DENND3: variants seen among roughly 807,000 people sequenced by gnomAD.
DENND3 encodes DENN domain containing 3, also known as DENN domain-containing protein 3.
In DENND3, 88 loss-of-function variants were observed where a neutral mutation model predicts 135.1. The ratio of observed to expected loss-of-function variants is 0.65; its 90% CI spans 0.55 to 0.78. The LOEUF (loss-of-function observed/expected upper bound fraction) is 0.78. DENND3 is among the 30% of genes least tolerant of loss of function. DENND3 has a pLI of 0.00. For missense variants in DENND3, 1,392 were observed against 1,688.4 expected (o/e 0.82, Z 3.08); for synonymous variants, 693 against 712.3 (o/e 0.97, Z 0.43).
rs1823258250 is a variant in DENND3 at position 141,182,375 on chromosome 8, C to T, written c.2944+1521C>T. Reference sequence around the variant, plus strand: ...TGGCTGAGTGAGCAGGCAGCGTCATCAGGGCCGCCCCGCGTGAGCCCTACC... The same window carrying T: ...TGGCTGAGTGAGCAGGCAGCGTCATTAGGGCCGCCCCGCGTGAGCCCTACC... On this transcript the variant is annotated intron_variant, in intron 17 of 22. Transcript: ENST00000519811. The surrounding 1 kb of genome is among the most constrained non-coding windows in gnomAD (Gnocchi z 5.9). 1.0e-6 allele frequency: 1 copy of T among 985,344 alleles called. No individual in the cohort carries two copies. Among genetic ancestry groups the T allele is most frequent in the African/African-American group, 1.7e-5 (1 of 57,258 alleles). The allele number at this position is 985,344 out of a possible 1,614,324, so 61.0% of individuals were successfully genotyped here.
rs1821047616 is a variant in DENND3 at position 141,168,155 on chromosome 8, C to T, written c.1905C>T (p.Leu635=). Reference sequence around the variant, plus strand: ...TTCTGGCCCCCGATAACTCTCTGCTCCTGGCCCGCTATTTGTACCTCCGAG... The same window carrying T: ...TTCTGGCCCCCGATAACTCTCTGCTTCTGGCCCGCTATTTGTACCTCCGAG... ...MCFLAPDNSL[L]LARYLYLRGL... is the part of the protein sequence containing the mutation. Residue 635 remains leucine (L), a synonymous_variant, in exon 13 of 23, where the codon CTC becomes CTT. Coordinates refer to ENST00000519811, the MANE Select transcript of DENND3 (RefSeq NM_001352890.3). The surrounding 1 kb of genome is among the most constrained non-coding windows in gnomAD (Gnocchi z 6.2). 1 of 1,614,224 alleles carries T rather than the reference C, an allele frequency of 6.2e-7. No homozygotes were observed. Among genetic ancestry groups the T allele is most frequent in the East Asian group, 2.2e-5 (1 of 44,880 alleles).
intron 13 of DENND3, among the ~76,000 whole-genome samples, chr8:141,171,094 T>C (rs1036153821): frequency 2.0e-5 from 3 of 152,224 alleles, no homozygotes; most frequent in East Asian, 3.8e-4. Flanking sequence ...TTGGCCTTGC[T>C]TACGTTGCCG....
intron 5 of DENND3, among the ~76,000 whole-genome samples, chr8:141,147,350 G>A (rs751531490): frequency 2.6e-5 from 4 of 152,152 alleles, no homozygotes; most frequent in Non-Finnish European, 4.4e-5. Flanking sequence ...TCTTCCCCAA[G>A]CCCCACAACA....
rs375969895 is a variant in DENND3, at chr8:141,179,444, C to T, written c.2836+1248C>T. Among the ~76,000 whole-genome samples, 50 of 152,348 alleles carry T rather than the reference C, an allele frequency of 3.3e-4. No homozygotes were observed. The Middle Eastern group carries it at 0.01, about 31-fold the overall frequency. ...CAGCGCATGACGGCAGACGAGGAGC[C>T]GCCATGCTGGTGTCACTTGGTGTGG... is the stretch of plus-strand genomic sequence containing the variant. On this transcript the variant is annotated intron_variant, in intron 16 of 22. Transcript: ENST00000519811.
At chr8:141,156,676 C>T (rs1819477332) in intron 8 of DENND3, among the ~76,000 whole-genome samples, 1 of 152,124 alleles carries the variant, frequency 6.6e-6, no homozygotes, top group Non-Finnish European at 1.5e-5. Flanking sequence ...GGCCCCTGCC[C>T]CTTGAGTTTG....
At chr8:141,187,053 T>C (rs1007637397) in intron 18 of DENND3, among the ~76,000 whole-genome samples, 4 of 152,170 alleles carry the variant, frequency 2.6e-5, no homozygotes, top group African/African-American at 9.7e-5. Context: ...AAATTGCATT[T>C]TATAGTTTTC....
chr8:141,159,505 G>A (rs996387780), intron 8 of DENND3, among the ~76,000 whole-genome samples: 2 of 152,140 alleles, frequency 1.3e-5, no homozygotes, highest in African/African-American at 2.4e-5. Flanking sequence ...CTAGCCCATC[G>A]CTGTGATGTG....
At position 141,154,815 on chromosome 8, in the gene DENND3, G is replaced by A. The variant is rs144694455; in HGVS notation, c.1075-1034G>A. ...TGATCTCAGGTGATCCACCCACCTC[G>A]GCCTCCCAAAGTGTTGGGATTACAG... On this transcript the variant is annotated intron_variant, in intron 7 of 22. Coordinates refer to ENST00000519811, the MANE Select transcript of DENND3 (RefSeq NM_001352890.3). The surrounding 1 kb of genome is among the most constrained non-coding windows in gnomAD (Gnocchi z 4.4). Among the ~76,000 whole-genome samples the A allele has an allele frequency of 3.8e-3, 582 of 152,184 alleles. 2 individuals are homozygous for A. Among genetic ancestry groups the A allele is most frequent in the African/African-American group, 0.012 (497 of 41,524 alleles).
Position 141,141,413 on chromosome 8 carries a change from G to A in DENND3, c.623+89G>A. ...CCAAGGGACCAGGGGGCTGGAGGTG[G>A]TGGGGGGGCAGCTCTCTGTTCCTCT... On this transcript the variant is annotated intron_variant, in intron 4 of 22. Transcript: ENST00000519811. This position sits in a 1 kb window ranked among gnomAD's most constrained non-coding sequence, Gnocchi z 5.3. 3 of 1,484,116 alleles carry A rather than the reference G, an allele frequency of 2.0e-6. No individual in the cohort carries two copies. The highest frequency in any genetic ancestry group is 2.8e-6 in the Non-Finnish European group (3 of 1,090,378). The allele number at this position is 1,484,116 out of a possible 1,614,324, so 91.9% of individuals were successfully genotyped here.
chr8:141,165,331 TCA>T (rs1015018438), intron 11 of DENND3, 42 bp downstream of exon 11: 3 of 1,513,886 alleles, frequency 2.0e-6, no homozygotes, highest in African/African-American at 1.4e-5. Flanking sequence ...TCTTTAGGAA[TCA>T]CAGTGTTCAA....
At position 141,150,821 on chromosome 8, in the gene DENND3, C is replaced by G. The variant is rs1297921760; in HGVS notation, c.736-13C>G. 1 of 1,584,428 alleles carries G rather than the reference C, an allele frequency of 6.3e-7. No individual in the cohort carries two copies. Among genetic ancestry groups the G allele is most frequent in the Non-Finnish European group, 8.6e-7 (1 of 1,168,224 alleles). On this transcript the variant is annotated splice_polypyrimidine_tract_variant and intron_variant, in intron 5 of 22. Transcript: ENST00000519811. Reference sequence around the variant, plus strand: ...CAGCTCTCTGAACTAATGACGGGAACTGGTTGTCGTAGGTATTTAACATGA... The same window carrying G: ...CAGCTCTCTGAACTAATGACGGGAAGTGGTTGTCGTAGGTATTTAACATGA...
chr8:141,186,060 T>C (rs1386951410), intron 18 of DENND3, among the ~76,000 whole-genome samples: 1 of 151,702 alleles, frequency 6.6e-6, no homozygotes, highest in Non-Finnish European at 1.5e-5. Flanking sequence ...CACCTCGGTC[T>C]CCTGAGTAAC....
chr8:141,168,586 C>G lies in DENND3; in HGVS notation c.2275+61C>G, dbSNP rs1003127110. The G allele has an allele frequency of 6.5e-7, 1 of 1,529,942 alleles. No homozygotes were observed. The highest frequency in any genetic ancestry group is 8.8e-7 in the Non-Finnish European group (1 of 1,135,432). The allele number at this position is 1,529,942 out of a possible 1,614,324, so 94.8% of individuals were successfully genotyped here. A position where few individuals can be genotyped will look rare whatever the true frequency, so the allele number is the denominator to read the frequency against. On this transcript the variant is annotated intron_variant, in intron 13 of 22. Coordinates refer to ENST00000519811, the MANE Select transcript of DENND3 (RefSeq NM_001352890.3). The surrounding 1 kb of genome is among the most constrained non-coding windows in gnomAD (Gnocchi z 6.2). ...ATTTAGAGACAGGGTCTGGCTCTGT[C>G]GCCCAGGCTGGAGTGGACTGGCAAT...
chr8:141,185,290 A>C lies in DENND3; in HGVS notation c.3084+12A>C, dbSNP rs749891978. The C allele has an allele frequency of 6.2e-7, 1 of 1,613,900 alleles. No individual in the cohort carries two copies. The highest frequency in any genetic ancestry group is 1.7e-5 in the Admixed American group (1 of 59,976). On this transcript the variant is annotated intron_variant, in intron 18 of 22. Coordinates refer to ENST00000519811, the MANE Select transcript of DENND3 (RefSeq NM_001352890.3). ...GCACTGCAAAAGTGGTGAGTACACG[A>C]AGCGTCAGGAAAGAAGCCTCTGAAT...
At position 141,141,269 on chromosome 8, in the gene DENND3, G is replaced by A. The variant is rs776708643; in HGVS notation, c.568G>A (p.Val190Met). ...TCCTGGCTGCTTCGTGCCCTTCGCG[G>A]TGTGCGTGGTCTCCAGGTTTCCCTA... Reference protein sequence around the residue: ...ECPGCFVPFAVCVVSRFPYYN... With the variant: ...ECPGCFVPFAMCVVSRFPYYN... The change falls in exon 4 of 23, where the codon GTG becomes ATG. Residue 190 changes from valine (V) to methionine (M), a missense_variant. Val to Met is a conservative substitution (Grantham distance 21). Transcript: ENST00000519811. This position sits in a 1 kb window ranked among gnomAD's most constrained non-coding sequence, Gnocchi z 5.3. 6 of 1,614,216 alleles carry A rather than the reference G, an allele frequency of 3.7e-6. No homozygotes were observed. Among genetic ancestry groups the A allele is most frequent in the Non-Finnish European group, 4.2e-6 (5 of 1,180,044 alleles).
At position 141,182,099 on chromosome 8, in the gene DENND3, A is replaced by G. The variant is rs540134168; in HGVS notation, c.2944+1245A>G. On this transcript the variant is annotated intron_variant, in intron 17 of 22. Coordinates refer to ENST00000519811, the MANE Select transcript of DENND3 (RefSeq NM_001352890.3). This position sits in a 1 kb window ranked among gnomAD's most constrained non-coding sequence, Gnocchi z 5.9. ...GTGTGAGCCACTGCGCCAGCCCAGA[A>G]GGGATTTTTAAAATTGTCACTTTGT... 1.6e-4 allele frequency among the ~76,000 whole-genome samples: 24 copies of G among 152,220 alleles called. No homozygotes were observed. The highest frequency in any genetic ancestry group is 1.1e-3 in the Admixed American group (17 of 15,298).
At chr8:141,183,646 G>C (rs1823470840) in intron 17 of DENND3, among the ~76,000 whole-genome samples, 1 of 151,094 alleles carries the variant, frequency 6.6e-6, no homozygotes, top group Admixed American at 6.6e-5. Flanking sequence ...GAGGGTAGAA[G>C]ACCAAAGAGC....
At chr8:141,134,676 T>C (rs933391998) in intron 1 of DENND3, among the ~76,000 whole-genome samples, 2 of 152,254 alleles carry the variant, frequency 1.3e-5, no homozygotes, top group Non-Finnish European at 2.9e-5. Context: ...AATCGTCATA[T>C]AGAGATCAGA....
chr8:141,191,642 C>T, intron 20 of DENND3: 1 of 152,502 alleles, frequency 6.6e-6, no homozygotes, highest in Non-Finnish European at 1.5e-5. Flanking sequence ...TCCCTCATGG[C>T]TGATGGTGCT....
Sources: allele counts gnomAD v4.1 joint callset (sites outside exome capture counted in the v4.1 genomes callset), GRCh38; gene constraint gnomAD v4.1.1; non-coding constraint Gnocchi (gnomAD v3.1); transcripts MANE v1.5; gene names NCBI Gene and HGNC (gene_info 2026-07-23, HGNC 2026-07-21).